The following CLEC4F variants were observed in gnomAD, a reference collection of about 807,000 sequenced individuals.
CLEC4F encodes the protein C-type (calcium dependent, carbohydrate-recognition domain) lectin, superfamily member 13.
Under a neutral mutation model 53.4 loss-of-function variants are expected in CLEC4F, and 45 were observed. The ratio of observed to expected loss-of-function variants is 0.84; its 90% CI spans 0.66 to 1.08. The LOEUF is 1.08. Among genes scored for constraint, CLEC4F ranks in the 50% least tolerant of loss-of-function variants. CLEC4F has a pLI of 0.00. For synonymous variants in CLEC4F, 245 were observed against 257.5 expected (o/e 0.95, Z 0.46); for missense variants, 753 against 698.2 (o/e 1.08, Z -0.88).
chr2:70,809,300 G>T lies in CLEC4F; in HGVS notation c.1741C>A (p.Pro581Thr), dbSNP rs201376656. 6.2e-7 allele frequency: 1 copy of T among 1,613,992 alleles called. No individual in the cohort carries two copies. Among genetic ancestry groups the T allele is most frequent in the African/African-American group, 1.3e-5 (1 of 75,000 alleles). ...GMGACSFIDTPPCPWILSN is the reference protein window; with the variant it reads ...GMGACSFIDTTPCPWILSN The stretch of plus-strand genomic sequence containing the variant: ...TTACTGAGGATCCAGGGACAGGGAG[G>T]GGTGTCTATGAAGCTGCAAGCTCCC... Residue 581 changes from proline (P) to threonine (T), a missense_variant, in exon 7 of 7, where the codon CCT becomes ACT. Coordinates refer to ENST00000272367, the MANE Select transcript of CLEC4F (RefSeq NM_173535.3).
intron 3 of CLEC4F, 49 bp from the exon 4 acceptor site, chr2:70,817,161 G>A: frequency 1.3e-6 from 2 of 1,557,956 alleles, no homozygotes; most frequent in Non-Finnish European, 1.7e-6. Flanking sequence ...ATTATGTAGG[G>A]TAGCATTTTA....
Position 70,816,209 on chromosome 2 carries a change from T to C in CLEC4F, c.1172A>G (p.Gln391Arg). 6.2e-7 allele frequency: 1 copy of C among 1,614,192 alleles called. No individual in the cohort carries two copies. Among genetic ancestry groups the C allele is most frequent in the Non-Finnish European group, 8.5e-7 (1 of 1,180,016 alleles). Residue 391 changes from glutamine (Q) to arginine (R), a missense_variant, in exon 4 of 7, where the codon CAG becomes CGG. Coordinates refer to ENST00000272367, the MANE Select transcript of CLEC4F (RefSeq NM_173535.3). Reference protein sequence around the residue: ...GHMKNASREIQTLKQGMKNAS... With the variant: ...GHMKNASREIRTLKQGMKNAS... ...ATTCTTCATTCCTTGTTTTAGGGTC[T>C]GTATCTCTCTGCTGGCATTTTTCAT...
intron 5 of CLEC4F, chr2:70,810,664 A>G (rs1676505151): frequency 4.9e-6 from 1 of 205,786 alleles, no homozygotes; most frequent in South Asian, 9.4e-5. Flanking sequence ...TTAAAAGGCA[A>G]ACACAGGATA....
At chr2:70,821,171 A>G (rs527637015), upstream of CLEC4F, among the ~76,000 whole-genome samples, 57 of 152,254 alleles carry the variant, frequency 3.7e-4, no homozygotes, top group Non-Finnish European at 7.8e-4. Flanking sequence ...CCAAGGGACA[A>G]CTCTGTAAAA....
upstream of CLEC4F, chr2:70,820,687 G>A (rs1553397805): frequency 2.6e-5 from 16 of 605,020 alleles, no homozygotes; most frequent in East Asian, 2.8e-4. Flanking sequence ...GCAGAAACCC[G>A]CCCCAGTGGG....
At position 70,809,569 on chromosome 2, in the gene CLEC4F, CACATGCCACAT is replaced by C. The variant is rs782054191; in HGVS notation, c.1658+159_1658+169del. Among the ~76,000 whole-genome samples the C allele has an allele frequency of 3.0e-4, 46 of 152,266 alleles. 1 individual carries two copies. Among genetic ancestry groups the C allele is most frequent in the Admixed American group, 1.4e-3 (21 of 15,300 alleles). Reference sequence around the variant, plus strand: ...TACACCTCGCACACCACATGCATTACACATGCCACATACATGGCACACACACCACACATACA... The same window carrying C: ...TACACCTCGCACACCACATGCATTACACATGGCACACACACCACACATACA... On this transcript the variant is annotated intron_variant, in intron 6 of 6. Transcript: ENST00000272367.
At chr2:70,820,352 A>AG in intron 1 of CLEC4F, 111 bp downstream of exon 1, 1 of 895,846 alleles carries the variant, frequency 1.1e-6, no homozygotes. Flanking sequence ...CCCCAAGGAC[A>AG]AGGGTCTGGG....
At chr2:70,821,614 A>G (rs1357126169), upstream of CLEC4F, among the ~76,000 whole-genome samples, 1 of 152,176 alleles carries the variant, frequency 6.6e-6, no homozygotes, top group Non-Finnish European at 1.5e-5. Context: ...CCTCTTCATC[A>G]GGCTGTTTTT....
upstream of CLEC4F, among the ~76,000 whole-genome samples, chr2:70,822,100 A>G (rs1364811293): frequency 6.6e-6 from 1 of 152,104 alleles, no homozygotes; most frequent in Non-Finnish European, 1.5e-5. Flanking sequence ...AAGTGGGGTC[A>G]CTACCTCACT....
intron 4 of CLEC4F, among the ~76,000 whole-genome samples, chr2:70,814,898 C>T (rs1444751514): frequency 5.3e-5 from 8 of 151,428 alleles, no homozygotes; most frequent in African/African-American, 1.9e-4. Context: ...ATTTTCAAAG[C>T]TCCTTGGGCG....
At position 70,816,908 on chromosome 2, in the gene CLEC4F, T is replaced by C; in HGVS notation, c.473A>G (p.Asp158Gly). 1 of 1,614,204 alleles carries C rather than the reference T, an allele frequency of 6.2e-7. No homozygotes were observed. The highest frequency in any genetic ancestry group is 8.5e-7 in the Non-Finnish European group (1 of 1,180,026). Reference sequence around the variant, plus strand: ...TGTCTGCAAACTCAATGTAGTGGCATCCTTTAGAACTCCTTTTACCATCTG... The same window carrying C: ...TGTCTGCAAACTCAATGTAGTGGCACCCTTTAGAACTCCTTTTACCATCTG... ...DIQMVKGVLK[D>G]ATTLSLQTQM... The change falls in exon 4 of 7, where the codon GAT becomes GGT. Residue 158 changes from aspartate to glycine, a missense_variant. By Grantham distance (94) the Asp-to-Gly change is moderately conservative. Coordinates refer to ENST00000272367, the MANE Select transcript of CLEC4F (RefSeq NM_173535.3).
At chr2:70,813,903 T>C (rs1676751486) in intron 4 of CLEC4F, among the ~76,000 whole-genome samples, 1 of 152,142 alleles carries the variant, frequency 6.6e-6, no homozygotes, top group South Asian at 2.1e-4. Flanking sequence ...GCTCTCAAAC[T>C]CCTGATCTCA....
chr2:70,813,988 G>A (rs998847155), intron 4 of CLEC4F, among the ~76,000 whole-genome samples: 1 of 152,162 alleles, frequency 6.6e-6, no homozygotes, highest in South Asian at 2.1e-4. Context: ...CTGGAGCTGA[G>A]TCTTAAGGGA....
chr2:70,819,457 AT>A lies in CLEC4F; in HGVS notation c.179-14del. 1 of 1,612,838 alleles carries A rather than the reference AT, an allele frequency of 6.2e-7. No individual in the cohort carries two copies. The highest frequency in any genetic ancestry group is 8.5e-7 in the Non-Finnish European group (1 of 1,178,980). On this transcript the variant is annotated splice_polypyrimidine_tract_variant and intron_variant, in intron 2 of 6. Coordinates refer to ENST00000272367, the MANE Select transcript of CLEC4F (RefSeq NM_173535.3). ...GTCTGCTGTTGAACTGAGACATTCC[AT>A]TTTTCCAGGTCAGCAAATCCCCAGC...
chr2:70,819,717 G>T, intron 2 of CLEC4F, 58 bp downstream of exon 2: 1 of 1,297,268 alleles, frequency 7.7e-7, no homozygotes, highest in African/African-American at 1.5e-5. Context: ...GGGGCCCCTG[G>T]GGACTTTGTG....
chr2:70,820,555 C>A lies in CLEC4F; in HGVS notation c.-32G>T. On this transcript the variant is annotated 5_prime_UTR_variant, in exon 1 of 7. Coordinates refer to ENST00000272367, the MANE Select transcript of CLEC4F (RefSeq NM_173535.3). The stretch of plus-strand genomic sequence containing the variant: ...TTCCTTGATCCTCCAGCACTGCTCC[C>A]AGCCACTGGCTCCTGGAAGGGCCGT... 1 of 1,565,260 alleles carries A rather than the reference C, an allele frequency of 6.4e-7. No individual in the cohort carries two copies. Among genetic ancestry groups the A allele is most frequent in the Admixed American group, 1.9e-5 (1 of 53,902 alleles).
At chr2:70,811,257 ATGTCATACTTCCATACACCTTCATCT>A (rs1295355564) in intron 5 of CLEC4F, 2 of 968,256 alleles carry the variant, frequency 2.1e-6, no homozygotes, top group Non-Finnish European at 3.2e-6. Context: ...ATTGTCTTAA[ATGTCATACTTCCATACACCTTCATCT>A]TGGCCTTTAG....
intron 2 of CLEC4F, among the ~76,000 whole-genome samples, 163 bp from the exon 3 acceptor site, chr2:70,819,607 C>T (rs1677117666): frequency 2.0e-5 from 3 of 152,180 alleles, no homozygotes; most frequent in African/African-American, 7.2e-5. Context: ...CCCCCTTGGA[C>T]AGTGGCCTTT....
intron 2 of CLEC4F, 96 bp from the exon 3 acceptor site, chr2:70,819,540 G>T: frequency 8.2e-7 from 1 of 1,214,090 alleles, no homozygotes. Flanking sequence ...GAACCGGGGA[G>T]ATAGCAGCAA....
Sources: gnomAD v4.1 joint callset for allele counts (sites outside exome capture counted in the v4.1 genomes callset) on GRCh38, gnomAD v4.1.1 for gene constraint, MANE v1.5 for transcripts, NCBI Gene and HGNC (gene_info 2026-07-23, HGNC 2026-07-21) for gene names.